Variants in RP1 observed in about 807,000 individuals in gnomAD.
The protein encoded by RP1 is oxygen-regulated protein 1.
In RP1, 16 loss-of-function variants were observed where a neutral mutation model predicts 14.8. That is an observed-to-expected ratio of 1.08 (90% confidence interval 0.73 to 1.65). The LOEUF (loss-of-function observed/expected upper bound fraction) is 1.65. Ranked by LOEUF, RP1 falls within the 40% of genes most tolerant of loss-of-function variation. The probability of loss-of-function intolerance (pLI) is 0.00; values close to 1 mark genes in which losing one functional copy is unlikely to be tolerated. For synonymous variants in RP1, 876 were observed against 883.6 expected, an observed-to-expected ratio of 0.99 and a Z score of 0.15; for missense variants, 2,631 against 2,535.0, an observed-to-expected ratio of 1.04 and a Z score of -0.81.
chr8:54,761,494 C>T (rs1034283179), intron 22 of RP1, among the ~76,000 whole-genome samples: 9 of 152,140 alleles, frequency 5.9e-5, no homozygotes, highest in African/African-American at 2.2e-4. Context: ...GCCTTAACCT[C>T]CCAAACTGCT....
At chr8:54,866,296 G>A (rs2129330080) in intron 28 of RP1, among the ~76,000 whole-genome samples, 1 of 152,232 alleles carries the variant, frequency 6.6e-6, no homozygotes, top group African/African-American at 2.4e-5. Context: ...AATAATACCT[G>A]CTTCCCCTAG....
At chr8:54,663,826 C>G in exon 7 of RP1, 1 of 1,527,592 alleles carries the variant, frequency 6.5e-7, no homozygotes, top group Non-Finnish European at 8.7e-7. Context: ...GATCGAAGAG[C>G]TCCTTCAATT....
chr8:54,640,785 T>A (rs1806438364), intron 3 of RP1, among the ~76,000 whole-genome samples: 1 of 152,182 alleles, frequency 6.6e-6, no homozygotes, highest in Non-Finnish European at 1.5e-5. Flanking sequence ...CCATTAGTTC[T>A]GTATCTTATA....
intron 1 of RP1, among the ~76,000 whole-genome samples, chr8:54,617,578 C>T (rs1324090358): frequency 6.6e-6 from 1 of 152,178 alleles, no homozygotes; most frequent in African/African-American, 2.4e-5. Flanking sequence ...CCACCTCTGC[C>T]TTCTTCCTGG....
At chr8:54,803,788 G>A (rs1423335889) in intron 24 of RP1, among the ~76,000 whole-genome samples, 3 of 152,020 alleles carry the variant, frequency 2.0e-5, no homozygotes, top group African/African-American at 4.8e-5. Context: ...ATAAACAATG[G>A]GCCGGGCACA....
chr8:54,799,842 TATA>T (rs1300238554), intron 24 of RP1, among the ~76,000 whole-genome samples: 2 of 152,064 alleles, frequency 1.3e-5, no homozygotes, highest in African/African-American at 2.4e-5. Context: ...ACATGCAATA[TATA>T]ATAACTGATT....
chr8:54,608,553 T>TA (rs1805515843), intron 1 of RP1, among the ~76,000 whole-genome samples: 1 of 151,944 alleles, frequency 6.6e-6, no homozygotes. Flanking sequence ...TTCAACATGG[T>TA]AAAAAAAGAA....
chr8:54,771,482 G>C (rs2129375232), downstream of RP1, among the ~76,000 whole-genome samples: 2 of 152,090 alleles, frequency 1.3e-5, no homozygotes, highest in Middle Eastern at 3.4e-3. Context: ...CAATGTACAG[G>C]GAAGGTGTTG....
At chr8:54,655,042 TTAAAA>T (rs1322951824) in intron 5 of RP1, among the ~76,000 whole-genome samples, 1 of 152,238 alleles carries the variant, frequency 6.6e-6, no homozygotes, top group East Asian at 1.9e-4. Flanking sequence ...AATTTAATAG[TTAAAA>T]TAACACCTCA....
intron 1 of RP1, among the ~76,000 whole-genome samples, chr8:54,607,044 C>T (rs893379373): frequency 1.3e-5 from 2 of 152,188 alleles, no homozygotes; most frequent in African/African-American, 2.4e-5. Flanking sequence ...TCTCTCAACT[C>T]GTCAAAGTCA....
chr8:54,675,387 T>A (rs931627238), intron 8 of RP1, among the ~76,000 whole-genome samples: 5 of 152,136 alleles, frequency 3.3e-5, no homozygotes, highest in Non-Finnish European at 7.4e-5. Context: ...TACTCAGAGA[T>A]AGTCAGGAAG....
intron 24 of RP1, among the ~76,000 whole-genome samples, chr8:54,799,160 A>G (rs1810642898): frequency 6.6e-6 from 1 of 152,054 alleles, no homozygotes; most frequent in African/African-American, 2.4e-5. Flanking sequence ...GTTATTTGCT[A>G]TTATAATATA....
At chr8:54,732,148 C>G (rs1808809234) in intron 17 of RP1, among the ~76,000 whole-genome samples, 1 of 152,166 alleles carries the variant, frequency 6.6e-6, no homozygotes, top group Admixed American at 6.6e-5. Context: ...CTGCTGCAAG[C>G]CATGCACATG....
intron 24 of RP1, among the ~76,000 whole-genome samples, chr8:54,809,358 C>T (rs1218526539): frequency 6.6e-6 from 1 of 152,130 alleles, no homozygotes; most frequent in East Asian, 1.9e-4. Flanking sequence ...GTATATGCTT[C>T]CAAAAGAGGC....
chr8:54,686,916 A>T (rs1807577036), intron 12 of RP1, among the ~76,000 whole-genome samples: 1 of 152,144 alleles, frequency 6.6e-6, no homozygotes. Flanking sequence ...GTTTTTAAAT[A>T]TTTACAATAT....
At chr8:54,834,527 T>TA (rs953576010) in intron 24 of RP1, among the ~76,000 whole-genome samples, 64 of 151,908 alleles carry the variant, frequency 4.2e-4, no homozygotes, top group Non-Finnish European at 7.4e-4. Context: ...TTGTAGCCTT[T>TA]AAAAAAAATC....
At chr8:54,786,288 C>A (rs939186923) in intron 24 of RP1, among the ~76,000 whole-genome samples, 2 of 152,032 alleles carry the variant, frequency 1.3e-5, no homozygotes, top group Admixed American at 1.3e-4. Flanking sequence ...AATATGTCAT[C>A]CCACTTCTTT....
At chr8:54,869,945 G>T (rs1225572365) in exon 29 of RP1, 1 of 1,188,862 alleles carries the variant, frequency 8.4e-7, no homozygotes, top group Admixed American at 4.2e-5. Context: ...TCTCCTGAAA[G>T]GGCCCACTTG....
Position 54,578,015 on chromosome 8 carries a change from G to T in RP1, c.-13+18695G>T, listed in dbSNP as rs1585521489. Among the ~76,000 whole-genome samples the T allele has an allele frequency of 2.0e-5, 3 of 151,948 alleles. No individual in the cohort carries two copies. The South Asian group carries it at 6.3e-4, about 32-fold the overall frequency. On this transcript the variant is annotated intron_variant, in intron 1 of 22. Transcript: ENST00000636932. ...CACAATGTGCAGGTTAGTTACATATGTATACATGTGCCATGCTGGTGTGCT... is the reference window on the plus strand; with the variant it reads ...CACAATGTGCAGGTTAGTTACATATTTATACATGTGCCATGCTGGTGTGCT...
Sources: allele counts gnomAD v4.1 joint callset (sites outside exome capture counted in the v4.1 genomes callset), GRCh38; gene constraint gnomAD v4.1.1; transcripts MANE v1.5; gene names NCBI Gene and HGNC (gene_info 2026-07-23, HGNC 2026-07-21).